The following VSTM4 variants were observed in gnomAD, a reference collection of about 807,000 sequenced individuals.
The protein encoded by VSTM4 is V-set and transmembrane domain-containing protein 4.
VSTM4 carries 20 observed loss-of-function variants against 36.4 expected under a neutral mutation model. The observed-to-expected ratio is 0.55, with a 90% confidence interval of 0.39 to 0.80. VSTM4 has a LOEUF of 0.80. VSTM4 is among the 30% of genes least tolerant of loss of function. The pLI is 0.00. For synonymous variants in VSTM4, 182 were observed against 173.9 expected (o/e 1.05, Z -0.37); for missense variants, 392 against 404.5 (o/e 0.97, Z 0.26).
At chr10:49,078,021 T>A (rs564829809) in intron 3 of VSTM4, among the ~76,000 whole-genome samples, 1 of 151,840 alleles carries the variant, frequency 6.6e-6, no homozygotes, top group South Asian at 2.1e-4. Context: ...GACATTTCAC[T>A]AAAGAGAATG....
At position 49,080,781 on chromosome 10, in the gene VSTM4, A is replaced by G. The variant is rs543035933; in HGVS notation, c.527-3455T>C. Among the ~76,000 whole-genome samples the G allele has an allele frequency of 3.6e-3, 551 of 152,360 alleles. 1 individual carries two copies. Among genetic ancestry groups the G allele is most frequent in the Non-Finnish European group, 5.6e-3 (382 of 68,026 alleles). On this transcript the variant is annotated intron_variant, in intron 3 of 7. Transcript: ENST00000332853. ...GTTTTGCTCCTAGGAAGCTACTGGG[A>G]AAGTCTTGGAGGAAAGCCCTGTCAG...
intron 2 of VSTM4, among the ~76,000 whole-genome samples, chr10:49,096,174 G>C (rs1343154580): frequency 6.6e-6 from 1 of 152,076 alleles, no homozygotes; most frequent in Non-Finnish European, 1.5e-5. Flanking sequence ...CCGAGAAAAA[G>C]GAATTATTTC....
chr10:49,045,558 A>G (rs1026025733), intron 7 of VSTM4, among the ~76,000 whole-genome samples: 1 of 152,214 alleles, frequency 6.6e-6, no homozygotes, highest in African/African-American at 2.4e-5. Context: ...GATTTTTATT[A>G]ATTACTGTGG....
At chr10:49,105,805 A>G (rs1206082363) in intron 2 of VSTM4, among the ~76,000 whole-genome samples, 1 of 151,932 alleles carries the variant, frequency 6.6e-6, no homozygotes, top group African/African-American at 2.4e-5. Context: ...CAAAAACAAC[A>G]CAATTCACAC....
chr10:49,091,862 T>A (rs769149798), intron 2 of VSTM4, among the ~76,000 whole-genome samples: 1 of 152,228 alleles, frequency 6.6e-6, no homozygotes, highest in African/African-American at 2.4e-5. Flanking sequence ...TTAACAAAGC[T>A]TAAATTGCAA....
chr10:49,092,307 T>C (rs562231352), intron 2 of VSTM4, among the ~76,000 whole-genome samples: 289 of 152,276 alleles, frequency 1.9e-3, no homozygotes, highest in Non-Finnish European at 3.1e-3. Flanking sequence ...CCGAGGACCC[T>C]ACTTGGAGAG....
intron 4 of VSTM4, among the ~76,000 whole-genome samples, chr10:49,070,732 G>A (rs1470429165): frequency 6.6e-6 from 1 of 152,204 alleles, no homozygotes; most frequent in East Asian, 1.9e-4. Flanking sequence ...GTGCTCCAGG[G>A]AGGCTAACCA....
chr10:49,042,689 G>T (rs1843540002), intron 7 of VSTM4, among the ~76,000 whole-genome samples: 1 of 152,184 alleles, frequency 6.6e-6, no homozygotes, highest in South Asian at 2.1e-4. Context: ...CAACAGGGAG[G>T]GTGTGCAGAA....
intron 7 of VSTM4, among the ~76,000 whole-genome samples, chr10:49,031,576 C>A (rs1045522857): frequency 2.0e-5 from 3 of 152,218 alleles, no homozygotes; most frequent in African/African-American, 7.2e-5. Context: ...GTGCTAAACG[C>A]TAATGAACAC....
chr10:49,062,052 A>G (rs1006661594), intron 5 of VSTM4, among the ~76,000 whole-genome samples: 8 of 152,204 alleles, frequency 5.3e-5, no homozygotes, highest in African/African-American at 1.9e-4. Flanking sequence ...GGTCATTACA[A>G]TACACATATG....
intron 2 of VSTM4, among the ~76,000 whole-genome samples, chr10:49,093,871 C>T (rs1844523464): frequency 6.6e-6 from 1 of 151,748 alleles, no homozygotes; most frequent in South Asian, 2.1e-4. Context: ...CCTCAGCCTC[C>T]CAAGTAGCTG....
chr10:49,083,973 A>G (rs904106529), intron 3 of VSTM4, among the ~76,000 whole-genome samples: 1 of 152,204 alleles, frequency 6.6e-6, no homozygotes, highest in Non-Finnish European at 1.5e-5. Flanking sequence ...CTGATGATAC[A>G]TAAGGCTCCA....
rs1251024709 is a variant in VSTM4, at chr10:49,016,624, AT to A, written c.*3025del. On this transcript the variant is annotated 3_prime_UTR_variant, in exon 8 of 8. Transcript: ENST00000332853. ...CTCATTGCTGTGTGGGCCAGCCCAC[AT>A]TATCATACACTAAAAATATATTTTC... is the stretch of plus-strand genomic sequence containing the variant. The A allele has an allele frequency of 6.6e-6, 1 of 152,242 alleles. No individual in the cohort carries two copies. Among genetic ancestry groups the A allele is most frequent in the Non-Finnish European group, 1.5e-5 (1 of 68,038 alleles). 9.4% of individuals were successfully genotyped at this position (152,242 alleles called of 1,614,324 possible). A position where few individuals can be genotyped will look rare whatever the true frequency, so the allele number is the denominator to read the frequency against.
intron 7 of VSTM4, among the ~76,000 whole-genome samples, chr10:49,043,961 G>C (rs978592730): frequency 1.3e-5 from 2 of 152,188 alleles, no homozygotes; most frequent in South Asian, 4.1e-4. Context: ...TAAACCTTCT[G>C]TCCATTTTTT....
chr10:49,108,297 A>T (rs563665073), intron 1 of VSTM4, among the ~76,000 whole-genome samples: 136 of 152,330 alleles, frequency 8.9e-4, no homozygotes, highest in African/African-American at 3.2e-3. Flanking sequence ...TAAAATTCAA[A>T]TTTCATGTAA....
chr10:49,100,319 T>C (rs1844644741), intron 2 of VSTM4, among the ~76,000 whole-genome samples: 1 of 151,734 alleles, frequency 6.6e-6, no homozygotes, highest in South Asian at 2.1e-4. Context: ...AGAAAAATAA[T>C]GAGATACTAA....
At chr10:49,065,115 C>T (rs1318279890) in intron 4 of VSTM4, among the ~76,000 whole-genome samples, 1 of 152,188 alleles carries the variant, frequency 6.6e-6, no homozygotes, top group African/African-American at 2.4e-5. Context: ...CATTTAGAAG[C>T]TCCTCATTGA....
In VSTM4 at chr10:49,015,623, A is replaced by G. The variant is rs1843093685; in HGVS notation, c.*4027T>C. On this transcript the variant is annotated 3_prime_UTR_variant, in exon 8 of 8. Coordinates refer to ENST00000332853, the MANE Select transcript of VSTM4 (RefSeq NM_001031746.5). ...AACAGTTTCTATCCTATGTATGGAGATGGGAGTGTGGTCTGGAGTGGGGTC... is the reference window on the plus strand; with the variant it reads ...AACAGTTTCTATCCTATGTATGGAGGTGGGAGTGTGGTCTGGAGTGGGGTC... 6.6e-6 allele frequency: 1 copy of G among 152,006 alleles called. No homozygotes were observed. Among genetic ancestry groups the G allele is most frequent in the African/African-American group, 2.4e-5 (1 of 41,352 alleles). The allele number at this position is 152,006 out of a possible 1,614,324, so 9.4% of individuals were successfully genotyped here.
At chr10:49,064,365 G>C (rs1176273290) in intron 5 of VSTM4, 1 of 304,310 alleles carries the variant, frequency 3.3e-6, no homozygotes, top group Non-Finnish European at 6.1e-6. Context: ...AAGAGAATTG[G>C]GGGTGTTTGT....
Sources: allele counts gnomAD v4.1 joint callset (sites outside exome capture counted in the v4.1 genomes callset), GRCh38; gene constraint gnomAD v4.1.1; transcripts MANE v1.5; gene names NCBI Gene and HGNC (gene_info 2026-07-23, HGNC 2026-07-21).